The following TPCN1 variants were observed in gnomAD, a reference collection of about 807,000 sequenced individuals.
The protein encoded by TPCN1 is two pore segment channel 1.
In TPCN1, 52 loss-of-function variants were observed where a neutral mutation model predicts 108.8. The observed-to-expected ratio is 0.48, with a 90% CI of 0.38 to 0.60. The LOEUF (loss-of-function observed/expected upper bound fraction) is 0.60. TPCN1 is among the 20% of genes least tolerant of loss of function. The pLI, the probability that TPCN1 is intolerant of heterozygous loss-of-function variation, is 0.00. For synonymous variants in TPCN1, 446 were observed against 433.7 expected (o/e 1.03, Z -0.35); for missense variants, 806 against 1,072.8 (o/e 0.75, Z 3.47).
intron 2 of TPCN1, among the ~76,000 whole-genome samples, chr12:113,251,020 C>T (rs182096733): frequency 1.3e-5 from 2 of 151,840 alleles, no homozygotes; most frequent in South Asian, 2.1e-4. Flanking sequence ...GAATTCTTTC[C>T]GGCCAGGTGC....
At chr12:113,237,033 T>C (rs1593085642) in intron 2 of TPCN1, among the ~76,000 whole-genome samples, 4 of 152,138 alleles carry the variant, frequency 2.6e-5, no homozygotes, top group Admixed American at 2.0e-4. Context: ...TGGACCTGGT[T>C]GAGTTGGGCA....
At chr12:113,243,190 T>G (rs1954217375) in intron 2 of TPCN1, among the ~76,000 whole-genome samples, 1 of 151,930 alleles carries the variant, frequency 6.6e-6, no homozygotes, top group Admixed American at 6.6e-5. Flanking sequence ...GCCAACATGG[T>G]GAAACCCCAT....
rs1333558040 is a variant in TPCN1 at position 113,268,956 on chromosome 12, G to C, written c.659+84G>C. ...CAGTGGGGCAGGAGCTTGTGAGTCA[G>C]TTAGTGATGAGGTCGACCCTGCATG... On this transcript the variant is annotated intron_variant, in intron 6 of 27. Transcript: ENST00000335509. This position sits in a 1 kb window ranked among gnomAD's most constrained non-coding sequence, Gnocchi z 7.3. 3 of 1,534,220 alleles carry C rather than the reference G, an allele frequency of 2.0e-6. No homozygotes were observed. Among genetic ancestry groups the C allele is most frequent in the African/African-American group, 2.7e-5 (2 of 73,512 alleles).
At position 113,268,374 on chromosome 12, in the gene TPCN1, T is replaced by C. The variant is rs1159685655; in HGVS notation, c.529-368T>C. On this transcript the variant is annotated intron_variant, in intron 5 of 27. Transcript: ENST00000335509. This position sits in a 1 kb window ranked among gnomAD's most constrained non-coding sequence, Gnocchi z 7.3. ...GTGGCATTTTGTAGTGTGTGGAGCA[T>C]GTGCGCTACTCTAGGAGAATATAGC... Among the ~76,000 whole-genome samples the C allele has an allele frequency of 2.0e-5, 3 of 152,162 alleles. No homozygotes were observed. The highest frequency in any genetic ancestry group is 2.9e-5 in the Non-Finnish European group (2 of 68,024).
chr12:113,293,092 G>C lies in TPCN1; in HGVS notation c.2253+19G>C, dbSNP rs373823152. 3.7e-6 allele frequency: 6 copies of C among 1,606,362 alleles called. No homozygotes were observed. In the African/African-American group the frequency reaches 8.0e-5, roughly 21 times the overall value. On this transcript the variant is annotated intron_variant, in intron 26 of 27. Coordinates refer to ENST00000335509, the MANE Select transcript of TPCN1 (RefSeq NM_017901.6). ...ATACCAGGTGAGGAGCCCAGGCCCT[G>C]GTCCGAAGGAGGGAGGCAGGTTTCA...
chr12:113,227,294 C>G (rs1000826996), intron 2 of TPCN1, among the ~76,000 whole-genome samples: 4 of 152,160 alleles, frequency 2.6e-5, no homozygotes, highest in African/African-American at 9.7e-5. Context: ...GCCTTCCCTG[C>G]CCCATTCCTT....
At chr12:113,233,135 C>T (rs1953750629) in intron 2 of TPCN1, among the ~76,000 whole-genome samples, 1 of 152,228 alleles carries the variant, frequency 6.6e-6, no homozygotes, top group Non-Finnish European at 1.5e-5. Flanking sequence ...CAGCCCTCCA[C>T]ATCTTCATGG....
intron 15 of TPCN1, among the ~76,000 whole-genome samples, chr12:113,283,991 G>C (rs780595185): frequency 6.6e-6 from 1 of 152,170 alleles, no homozygotes; most frequent in Non-Finnish European, 1.5e-5. Flanking sequence ...CTTTTTTATG[G>C]TTAAAGTATG....
At chr12:113,290,890 A>G in intron 22 of TPCN1, 62 bp from the exon 23 acceptor site, 10 of 1,538,272 alleles carry the variant, frequency 6.5e-6, no homozygotes, top group Non-Finnish European at 9.0e-6. Context: ...GCAAGAGGCC[A>G]CTTGAAATTG....
At chr12:113,293,523 T>A (rs988147517) in intron 27 of TPCN1, among the ~76,000 whole-genome samples, 174 bp downstream of exon 27, 2 of 152,158 alleles carry the variant, frequency 1.3e-5, no homozygotes, top group African/African-American at 2.4e-5. Context: ...CACTTAGCCT[T>A]GAACCCTTGA....
chr12:113,236,104 G>A (rs1024338088), intron 2 of TPCN1, among the ~76,000 whole-genome samples: 1 of 152,110 alleles, frequency 6.6e-6, no homozygotes, highest in Non-Finnish European at 1.5e-5. Context: ...TTTAAGCAGG[G>A]GAATGACCAT....
At position 113,272,413 on chromosome 12, in the gene TPCN1, G is replaced by T. The variant is rs1955533832; in HGVS notation, c.749-245G>T. 6.6e-6 allele frequency among the ~76,000 whole-genome samples: 1 copy of T among 152,148 alleles called. No homozygotes were observed. The highest frequency in any genetic ancestry group is 1.5e-5 in the Non-Finnish European group (1 of 68,026). ...TTTTACACAAAAATACAGACTTCCA[G>T]CCTTTTGAAAGAACAGAGCCGATAG... On this transcript the variant is annotated intron_variant, in intron 7 of 27. Coordinates refer to ENST00000335509, the MANE Select transcript of TPCN1 (RefSeq NM_017901.6). The surrounding 1 kb of genome is among the most constrained non-coding windows in gnomAD (Gnocchi z 4.1).
Position 113,289,635 on chromosome 12 carries a change from C to T in TPCN1, c.1797-493C>T, listed in dbSNP as rs990165658. On this transcript the variant is annotated intron_variant, in intron 21 of 27. Coordinates refer to ENST00000335509, the MANE Select transcript of TPCN1 (RefSeq NM_017901.6). The surrounding 1 kb of genome is among the most constrained non-coding windows in gnomAD (Gnocchi z 4.1). ...AACATTAGCATGGATATTAACAGAACAGCCATAAAAGATTGGAAGGAAAGT... is the reference window on the plus strand; with the variant it reads ...AACATTAGCATGGATATTAACAGAATAGCCATAAAAGATTGGAAGGAAAGT... 1.4e-4 allele frequency among the ~76,000 whole-genome samples: 22 copies of T among 152,196 alleles called. No homozygotes were observed. Among genetic ancestry groups the T allele is most frequent in the African/African-American group, 5.3e-4 (22 of 41,444 alleles).
rs754395174 is a variant in TPCN1, at chr12:113,287,109, AGAG to A, written c.1634+16_1634+18del. ...CAGCTGCTGAGGTGATGGGCAGGGC[AGAG>A]CCGGAGACAGGGAGAAAGAGAGGGA... On this transcript the variant is annotated intron_variant, in intron 19 of 27. Transcript: ENST00000335509. 6.3e-7 allele frequency: 1 copy of A among 1,596,984 alleles called. No individual in the cohort carries two copies. The highest frequency in any genetic ancestry group is 1.1e-5 in the South Asian group (1 of 90,650).
intron 2 of TPCN1, among the ~76,000 whole-genome samples, chr12:113,245,441 A>G (rs1316879849): frequency 5.5e-5 from 8 of 146,444 alleles, no homozygotes; most frequent in Non-Finnish European, 8.9e-5. Flanking sequence ...ACTAAAAAAA[A>G]ATACAAAAAA....
intron 7 of TPCN1, among the ~76,000 whole-genome samples, chr12:113,271,989 A>T (rs1955518744): frequency 6.6e-6 from 1 of 152,064 alleles, no homozygotes; most frequent in Non-Finnish European, 1.5e-5. Context: ...CAGAGCCCTG[A>T]CTCTGAGGCT....
At chr12:113,224,531 G>A (rs1163675681) in intron 1 of TPCN1, among the ~76,000 whole-genome samples, 1 of 151,908 alleles carries the variant, frequency 6.6e-6, no homozygotes, top group Non-Finnish European at 1.5e-5. Context: ...TGAGCAGCTG[G>A]GACTACAGGC....
intron 2 of TPCN1, 63 bp from the exon 3 acceptor site, chr12:113,260,305 A>G: frequency 1.4e-6 from 2 of 1,446,334 alleles, no homozygotes; most frequent in Non-Finnish European, 9.1e-7. Context: ...TTCTTCTGCC[A>G]AACGGTGTCT....
At chr12:113,260,698 C>T (rs1463190725) in intron 3 of TPCN1, among the ~76,000 whole-genome samples, 1 of 152,210 alleles carries the variant, frequency 6.6e-6, no homozygotes, top group Non-Finnish European at 1.5e-5. Flanking sequence ...CTTCAGACCC[C>T]TGTTTAGGGC....
Sources: gnomAD v4.1 joint callset for allele counts (sites outside exome capture counted in the v4.1 genomes callset) on GRCh38, gnomAD v4.1.1 for gene constraint, Gnocchi (gnomAD v3.1) non-coding constraint, MANE v1.5 for transcripts, NCBI Gene and HGNC (gene_info 2026-07-23, HGNC 2026-07-21) for gene names.